SEMA5A: variants seen among roughly 807,000 people sequenced by gnomAD.
The protein encoded by SEMA5A is semaphorin-5A.
SEMA5A carries 55 observed loss-of-function variants against 135.5 expected under a neutral mutation model. That is an observed-to-expected ratio of 0.41 (90% CI 0.33 to 0.51). The LOEUF (loss-of-function observed/expected upper bound fraction) is 0.51. SEMA5A is among the 20% of genes least tolerant of loss of function. SEMA5A has a pLI of 0.37. For synonymous variants in SEMA5A, 580 were observed against 546.5 expected, an observed-to-expected ratio of 1.06 and a Z score of -0.85; for missense variants, 1,290 against 1,419.9, an observed-to-expected ratio of 0.91 and a Z score of 1.47.
At chr5:9,358,296 C>G (rs1482964982) in intron 3 of SEMA5A, among the ~76,000 whole-genome samples, 1 of 152,182 alleles carries the variant, frequency 6.6e-6, no homozygotes, top group East Asian at 1.9e-4. Flanking sequence ...AGTGCTGTCC[C>G]TTGTGCAATT....
intron 13 of SEMA5A, among the ~76,000 whole-genome samples, chr5:9,127,571 T>A (rs1238547465): frequency 2.0e-5 from 3 of 152,182 alleles, no homozygotes; most frequent in Admixed American, 6.5e-5. Context: ...CAAACTGACT[T>A]TGTCTGCCTC....
At chr5:9,507,257 G>A (rs905694624) in intron 1 of SEMA5A, among the ~76,000 whole-genome samples, 3 of 152,116 alleles carry the variant, frequency 2.0e-5, no homozygotes, top group African/African-American at 7.2e-5. Context: ...TCACTTTCAG[G>A]TTAAAACCAT....
At chr5:9,339,716 A>G (rs1198267252) in intron 3 of SEMA5A, among the ~76,000 whole-genome samples, 1 of 152,230 alleles carries the variant, frequency 6.6e-6, no homozygotes, top group East Asian at 1.9e-4. Flanking sequence ...ATTCACTTTC[A>G]GGTTAAAAGG....
intron 10 of SEMA5A, among the ~76,000 whole-genome samples, chr5:9,195,835 T>G (rs1342583997): frequency 2.0e-5 from 3 of 152,274 alleles, no homozygotes; most frequent in African/African-American, 7.2e-5. Flanking sequence ...CTCCCAGTTT[T>G]GGGAGTCCCA....
At chr5:9,312,622 C>G (rs548174691) in intron 5 of SEMA5A, among the ~76,000 whole-genome samples, 2 of 152,124 alleles carry the variant, frequency 1.3e-5, no homozygotes, top group Non-Finnish European at 2.9e-5. Flanking sequence ...AGAGATTTAC[C>G]TCATACAGAT....
chr5:9,281,436 T>C (rs558027734), intron 5 of SEMA5A, among the ~76,000 whole-genome samples: 1 of 152,322 alleles, frequency 6.6e-6, no homozygotes, highest in Non-Finnish European at 1.5e-5. Flanking sequence ...GCTACTGGCG[T>C]CTAGTGGATA....
chr5:9,523,860 C>A (rs1158917478), intron 1 of SEMA5A, among the ~76,000 whole-genome samples: 1 of 152,220 alleles, frequency 6.6e-6, no homozygotes, highest in Non-Finnish European at 1.5e-5. Context: ...TAGTGTCTGT[C>A]CCCTAAAAGT....
At chr5:9,429,028 G>A (rs567360423) in intron 2 of SEMA5A, among the ~76,000 whole-genome samples, 4 of 152,314 alleles carry the variant, frequency 2.6e-5, no homozygotes, top group Non-Finnish European at 5.9e-5. Context: ...ACTTTAAATT[G>A]CCATTGCAGG....
intron 17 of SEMA5A, among the ~76,000 whole-genome samples, chr5:9,065,733 C>G (rs532650364): frequency 5.9e-5 from 9 of 152,326 alleles, no homozygotes; most frequent in African/African-American, 2.2e-4. Flanking sequence ...AGCAAAGCAT[C>G]AAGCTCTTAA....
At chr5:9,272,011 C>G (rs1222697408) in intron 5 of SEMA5A, among the ~76,000 whole-genome samples, 1 of 152,032 alleles carries the variant, frequency 6.6e-6, no homozygotes, top group Non-Finnish European at 1.5e-5. Context: ...ACCAGCGAGA[C>G]AGAATCATTC....
At chr5:9,489,037 A>G (rs1282788190) in intron 1 of SEMA5A, among the ~76,000 whole-genome samples, 1 of 152,168 alleles carries the variant, frequency 6.6e-6, no homozygotes, top group Non-Finnish European at 1.5e-5. Context: ...TTTCATGAGT[A>G]TCAGGCCTCT....
intron 11 of SEMA5A, among the ~76,000 whole-genome samples, chr5:9,172,364 G>A (rs34729813): frequency 0.07 from 10,630 of 152,190 alleles, 456 homozygotes; most frequent in East Asian, 0.17. Context: ...ACAAATCAAG[G>A]CATTTGTGGT....
chr5:9,510,204 A>G (rs1163596774), intron 1 of SEMA5A, among the ~76,000 whole-genome samples: 1 of 152,218 alleles, frequency 6.6e-6, no homozygotes, highest in Non-Finnish European at 1.5e-5. Context: ...CACTCATTCA[A>G]TCTTCTGTTC....
At chr5:9,495,966 A>G (rs1735281084) in intron 1 of SEMA5A, among the ~76,000 whole-genome samples, 1 of 152,314 alleles carries the variant, frequency 6.6e-6, no homozygotes. Context: ...AAACTTCATG[A>G]GGACCCAGAT....
chr5:9,197,855 ACTGT>A (rs1252480774), intron 9 of SEMA5A, among the ~76,000 whole-genome samples: 4 of 151,424 alleles, frequency 2.6e-5, no homozygotes, highest in Non-Finnish European at 5.9e-5. Flanking sequence ...ATAAAAAGTG[ACTGT>A]CTGACTCTTC....
rs10608363 is a variant in SEMA5A, at chr5:9,466,382, TAAA to T, written c.-174-28533_-174-28531del. 6.8e-3 allele frequency among the ~76,000 whole-genome samples: 968 copies of T among 143,076 alleles called. 8 individuals are homozygous for T. The highest frequency in any genetic ancestry group is 0.02 in the African/African-American group (776 of 38,888). The allele number at this position is 143,076 out of a possible 152,430, so 93.9% of individuals were successfully genotyped here. On this transcript the variant is annotated intron_variant, in intron 1 of 22. Transcript: ENST00000382496. The stretch of plus-strand genomic sequence containing the variant: ...CTCAAAGTATAATAATAATAAAATT[TAAA>T]AAAAAAAAAAAAAGAAAAGTCCCCA...
chr5:9,171,528 A>G (rs1309769155), intron 11 of SEMA5A, among the ~76,000 whole-genome samples: 1 of 152,210 alleles, frequency 6.6e-6, no homozygotes, highest in Non-Finnish European at 1.5e-5. Flanking sequence ...CTAATGATGC[A>G]GAGTCCAGGG....
chr5:9,422,830 C>CA (rs1757516808), intron 2 of SEMA5A, among the ~76,000 whole-genome samples: 2 of 152,016 alleles, frequency 1.3e-5, no homozygotes, highest in Non-Finnish European at 2.9e-5. Flanking sequence ...TTTCTCATTC[C>CA]AAAAATAGTG....
At chr5:9,430,407 A>G (rs1264496211) in intron 2 of SEMA5A, among the ~76,000 whole-genome samples, 1 of 152,220 alleles carries the variant, frequency 6.6e-6, no homozygotes, top group Non-Finnish European at 1.5e-5. Flanking sequence ...GGGAGTAATT[A>G]GTGTGCAAAT....
Sources: allele counts gnomAD v4.1 joint callset (sites outside exome capture counted in the v4.1 genomes callset), GRCh38; gene constraint gnomAD v4.1.1; transcripts MANE v1.5; gene names NCBI Gene and HGNC (gene_info 2026-07-23, HGNC 2026-07-21).